KAT6A: variants seen among roughly 807,000 people sequenced by gnomAD.
KAT6A encodes histone acetyltransferase KAT6A.
In KAT6A, 9 loss-of-function variants were observed where a neutral mutation model predicts 198.4. That is an observed-to-expected ratio of 0.05 (90% confidence interval 0.03 to 0.08). The LOEUF (loss-of-function observed/expected upper bound fraction) is 0.08. KAT6A is among the 10% of genes least tolerant of loss of function. KAT6A has a pLI of 1.00. For missense variants in KAT6A, 2,077 were observed against 2,509.9 expected, an observed-to-expected ratio of 0.83 and a Z score of 3.69; for synonymous variants, 890 against 883.0, an observed-to-expected ratio of 1.01 and a Z score of -0.14.
intron 2 of KAT6A, among the ~76,000 whole-genome samples, chr8:42,042,953 A>G (rs1052310707): frequency 2.6e-5 from 4 of 152,230 alleles, no homozygotes; most frequent in Non-Finnish European, 4.4e-5. Flanking sequence ...GACTCACTAT[A>G]TAAAGATAAT....
At chr8:42,034,970 C>T (rs74877332) in intron 2 of KAT6A, among the ~76,000 whole-genome samples, 2,480 of 152,230 alleles carry the variant, frequency 0.016, 28 homozygotes, top group Non-Finnish European at 0.026. Flanking sequence ...CTGGTCTTTG[C>T]GCTTGTGTTC....
intron 2 of KAT6A, among the ~76,000 whole-genome samples, chr8:42,008,724 T>C (rs1397501621): frequency 3.3e-5 from 5 of 152,092 alleles, no homozygotes; most frequent in African/African-American, 9.7e-5. Context: ...AAATGTTCTA[T>C]ATCTCTGTTG....
chr8:41,941,115 A>C lies in KAT6A; in HGVS notation c.2766T>G (p.Ala922=), dbSNP rs566696446. The stretch of plus-strand genomic sequence containing the variant: ...CGTCCTGGCTTGGCTGCTCCTCAGA[A>C]GCCACCAGCTGTTCTTCACTTTCAG... ...QYTESEEQLV[A]SEEQPSQDGK... is the part of the protein sequence containing the mutation. Residue 922 remains alanine, a synonymous_variant, in exon 15 of 17, where the codon GCT becomes GCG. Transcript: ENST00000265713. 1.9e-6 allele frequency: 3 copies of C among 1,614,174 alleles called. No homozygotes were observed. Among genetic ancestry groups the C allele is most frequent in the Non-Finnish European group, 2.5e-6 (3 of 1,180,038 alleles).
chr8:41,932,399 C>A lies in KAT6A; in HGVS notation c.5821G>T (p.Ala1941Ser), dbSNP rs1168587189. 1 of 1,614,204 alleles carries A rather than the reference C, an allele frequency of 6.2e-7. No individual in the cohort carries two copies. The highest frequency in any genetic ancestry group is 1.7e-5 in the Admixed American group (1 of 60,030). The change falls in exon 17 of 17, where the codon GCC (alanine) becomes TCC (serine). Residue 1941 changes from alanine (A) to serine (S), a missense_variant. Physicochemically the swap from Ala to Ser is moderately conservative, Grantham distance 99. Transcript: ENST00000265713. ...MMNSSYHSNP[A>S]YMNQTAQYPM... ...TACTGTGCTGTCTGGTTCATGTAGG[C>A]AGGGTTACTATGGTAACTGCTGTTC...
chr8:42,032,871 C>CCT (rs1827195368), intron 2 of KAT6A, among the ~76,000 whole-genome samples: 1 of 76,518 alleles, frequency 1.3e-5, no homozygotes, highest in Non-Finnish European at 2.4e-5. Context: ...AAAACCTTGG[C>CCT]TTTTTTTTTT....
At chr8:41,943,071 G>A in intron 13 of KAT6A, 71 bp from the exon 14 acceptor site, 1 of 1,581,972 alleles carries the variant, frequency 6.3e-7, no homozygotes, top group Non-Finnish European at 8.6e-7. Context: ...GTGGAGATGA[G>A]ACCCCTGGTG....
At chr8:41,981,046 G>A (rs1347048952) in intron 4 of KAT6A, 119 bp from the exon 5 acceptor site, 27 of 740,148 alleles carry the variant, frequency 3.6e-5, no homozygotes, top group African/African-American at 7.0e-5. Context: ...TAAGCCAGGC[G>A]CAATGGCTCA....
intron 7 of KAT6A, 46 bp from the exon 8 acceptor site, chr8:41,974,868 T>C (rs1823971040): frequency 8.4e-7 from 1 of 1,191,392 alleles, no homozygotes; most frequent in Non-Finnish European, 1.2e-6. Flanking sequence ...CCCAGATTAA[T>C]ACATGAACTA....
At chr8:42,026,358 G>C (rs1325575949) in intron 2 of KAT6A, among the ~76,000 whole-genome samples, 2 of 152,028 alleles carry the variant, frequency 1.3e-5, no homozygotes, top group African/African-American at 2.4e-5. Context: ...AGATTGCTTT[G>C]GGTAATATGG....
chr8:42,051,501 C>T (rs1802646556), intron 1 of KAT6A, among the ~76,000 whole-genome samples: 2 of 146,386 alleles, frequency 1.4e-5, no homozygotes, highest in Admixed American at 6.8e-5. Context: ...GTGGGCGCGC[C>T]CCGAGGGAGA....
intron 7 of KAT6A, among the ~76,000 whole-genome samples, chr8:41,975,515 A>G (rs1824008541): frequency 6.6e-6 from 1 of 152,198 alleles, no homozygotes; most frequent in African/African-American, 2.4e-5. Context: ...CCAATTGGTG[A>G]CAGTTCTCAA....
chr8:41,974,143 T>C lies in KAT6A; in HGVS notation c.1482+561A>G, dbSNP rs567688465. Among the ~76,000 whole-genome samples, 4 of 151,990 alleles carry C rather than the reference T, an allele frequency of 2.6e-5. No individual in the cohort carries two copies. In the South Asian group the frequency reaches 8.3e-4, roughly 32 times the overall value. On this transcript the variant is annotated intron_variant, in intron 8 of 16. Transcript: ENST00000265713. ...CCCAGGCTGGAGTACAGTGGCATGA[T>C]CTCAGGTCACTGCAACCTCCATTTC...
At position 41,932,442 on chromosome 8, in the gene KAT6A, T is replaced by A; in HGVS notation, c.5778A>T (p.Arg1926=). 6.2e-7 allele frequency: 1 copy of A among 1,614,242 alleles called. No individual in the cohort carries two copies. The highest frequency in any genetic ancestry group is 8.5e-7 in the Non-Finnish European group (1 of 1,180,036). The change falls in exon 17 of 17, where the codon CGA becomes CGT. Residue 1926 remains arginine, a synonymous_variant. Coordinates refer to ENST00000265713, the MANE Select transcript of KAT6A (RefSeq NM_006766.5). ...MNTLNAMNSY[R]MTQPMMNSSY... ...TGCTGTTCATCATGGGCTGTGTCAT[T>A]CGATAGCTGTTCATGGCATTCAAGG...
At chr8:41,947,941 A>G (rs1193064025) in intron 10 of KAT6A, 29 bp from the exon 11 acceptor site, 2 of 1,541,736 alleles carry the variant, frequency 1.3e-6, no homozygotes, top group East Asian at 4.5e-5. Flanking sequence ...CAAAACAGTC[A>G]GTAGAGGGTC....
intron 10 of KAT6A, among the ~76,000 whole-genome samples, chr8:41,948,720 A>AT (rs1278956072): frequency 6.6e-6 from 1 of 152,202 alleles, no homozygotes; most frequent in Non-Finnish European, 1.5e-5. Flanking sequence ...CACTTAAAAG[A>AT]GTCTTAGGGA....
chr8:41,943,201 G>T (rs776898060), intron 13 of KAT6A, among the ~76,000 whole-genome samples: 1 of 152,128 alleles, frequency 6.6e-6, no homozygotes, highest in African/African-American at 2.4e-5. Context: ...GCTCTCTACC[G>T]TGGCCGCGGG....
At chr8:41,987,375 A>G in intron 3 of KAT6A, 80 bp downstream of exon 3, 1 of 799,996 alleles carries the variant, frequency 1.3e-6, no homozygotes, top group Non-Finnish European at 2.2e-6. Context: ...ATAAGGATCA[A>G]GGATACAAAC....
intron 14 of KAT6A, 77 bp downstream of exon 14, chr8:41,942,716 A>T: frequency 1.4e-6 from 2 of 1,452,060 alleles, no homozygotes; most frequent in Middle Eastern, 1.8e-4. Flanking sequence ...AGATGATCAT[A>T]ATACATTATT....
intron 2 of KAT6A, among the ~76,000 whole-genome samples, chr8:42,022,735 T>G (rs536010239): frequency 1.3e-5 from 2 of 152,110 alleles, no homozygotes; most frequent in African/African-American, 4.8e-5. Context: ...TGAAATGATA[T>G]ACAAATGAGG....
Sources: allele counts gnomAD v4.1 joint callset (sites outside exome capture counted in the v4.1 genomes callset), GRCh38; gene constraint gnomAD v4.1.1; transcripts MANE v1.5; gene names NCBI Gene and HGNC (gene_info 2026-07-23, HGNC 2026-07-21).